ST3GAL4: variants seen among roughly 807,000 people sequenced by gnomAD.
ST3GAL4 encodes the protein CMP-N-acetylneuraminate-beta-galactosamide-alpha-2,3-sialyltransferase 4.
Under a neutral mutation model 42.6 loss-of-function variants are expected in ST3GAL4, and 24 were observed. That is an observed-to-expected ratio of 0.56 (90% CI 0.41 to 0.79). ST3GAL4 has a LOEUF of 0.79. Among genes scored for constraint, ST3GAL4 ranks in the 30% least tolerant of loss-of-function variants. ST3GAL4 has a pLI of 0.00. For missense variants in ST3GAL4, 311 were observed against 430.8 expected, an observed-to-expected ratio of 0.72 and a Z score of 2.46; for synonymous variants, 135 against 163.2, an observed-to-expected ratio of 0.83 and a Z score of 1.32.
At chr11:126,369,869 G>A (rs1172753325) in intron 1 of ST3GAL4, among the ~76,000 whole-genome samples, 5 of 152,192 alleles carry the variant, frequency 3.3e-5, no homozygotes, top group African/African-American at 9.6e-5. Context: ...AGATGTATCT[G>A]AATATGCATG....
At chr11:126,399,150 C>A (rs949255365) in intron 1 of ST3GAL4, among the ~76,000 whole-genome samples, 1 of 152,108 alleles carries the variant, frequency 6.6e-6, no homozygotes, top group African/African-American at 2.4e-5. Flanking sequence ...TACTAATATT[C>A]TTATTAAACT....
At chr11:126,377,425 C>G (rs541919883) in intron 1 of ST3GAL4, among the ~76,000 whole-genome samples, 3 of 151,746 alleles carry the variant, frequency 2.0e-5, no homozygotes, top group Admixed American at 6.6e-5. Flanking sequence ...CCTGCCTCAG[C>G]CTCCCAAAGT....
chr11:126,390,322 A>T (rs1565410945), intron 1 of ST3GAL4, among the ~76,000 whole-genome samples: 3 of 140,132 alleles, frequency 2.1e-5, no homozygotes, highest in Non-Finnish European at 1.6e-5. Context: ...TAGTGTTTCC[A>T]GTTTGTTTGT....
Position 126,392,459 on chromosome 11 carries a change from T to A in ST3GAL4, c.-60-13637T>A. On this transcript the variant is annotated intron_variant, in intron 1 of 10. Transcript: ENST00000444328. This position sits in a 1 kb window ranked among gnomAD's most constrained non-coding sequence, Gnocchi z 5.8. ...CCTTGTGAGCTCATCGACATGCATTTGGCAGAAAGTGCGCTGGCTCTGCCA... is the reference window on the plus strand; with the variant it reads ...CCTTGTGAGCTCATCGACATGCATTAGGCAGAAAGTGCGCTGGCTCTGCCA... The A allele has an allele frequency of 1.2e-6, 1 of 803,466 alleles. No individual in the cohort carries two copies. The highest frequency in any genetic ancestry group is 1.5e-6 in the Non-Finnish European group (1 of 663,574). 49.8% of individuals were successfully genotyped at this position (803,466 alleles called of 1,614,324 possible). A position where few individuals can be genotyped will look rare whatever the true frequency, so the allele number is the denominator to read the frequency against.
chr11:126,385,154 GTTTC>G (rs1265150774), intron 1 of ST3GAL4, among the ~76,000 whole-genome samples: 1 of 150,968 alleles, frequency 6.6e-6, no homozygotes, highest in African/African-American at 2.4e-5. Context: ...CACCTGGTCA[GTTTC>G]TTTCTTTTTT....
Position 126,409,184 on chromosome 11 carries a change from C to A in ST3GAL4, c.628-84C>A. ...GCCTCTGCCATCGCTTGGACCCCCT[C>A]GCCTCGCTGAGGACCACTGGGTTGG... On this transcript the variant is annotated intron_variant, in intron 8 of 10. Coordinates refer to ENST00000444328, the MANE Select transcript of ST3GAL4 (RefSeq NM_001254757.2). The surrounding 1 kb of genome is among the most constrained non-coding windows in gnomAD (Gnocchi z 4.9). 1 of 1,556,968 alleles carries A rather than the reference C, an allele frequency of 6.4e-7. No individual in the cohort carries two copies. The highest frequency in any genetic ancestry group is 8.8e-7 in the Non-Finnish European group (1 of 1,141,334).
In ST3GAL4 at chr11:126,384,404, C is replaced by T. The variant is rs745912442; in HGVS notation, c.-60-21692C>T. ...CCTGTGTAGGGACTCCAGGGCTGAA[C>T]GTTGCCTTTGCTGTCCCTGCTTGGG... is the stretch of plus-strand genomic sequence containing the variant. On this transcript the variant is annotated intron_variant, in intron 1 of 10. Coordinates refer to ENST00000444328, the MANE Select transcript of ST3GAL4 (RefSeq NM_001254757.2). The surrounding 1 kb of genome is among the most constrained non-coding windows in gnomAD (Gnocchi z 5.5). Among the ~76,000 whole-genome samples the T allele has an allele frequency of 2.6e-5, 4 of 152,164 alleles. No homozygotes were observed. The highest frequency in any genetic ancestry group is 3.9e-4 in the East Asian group (2 of 5,162).
intron 1 of ST3GAL4, among the ~76,000 whole-genome samples, chr11:126,377,834 A>G (rs1050333249): frequency 1.3e-5 from 2 of 152,222 alleles, no homozygotes; most frequent in African/African-American, 4.8e-5. Flanking sequence ...TTAAAGTAGC[A>G]AGAAGTCTTC....
Position 126,406,187 on chromosome 11 carries a change from G to A in ST3GAL4, c.16+16G>A, listed in dbSNP as rs747379391. 5.1e-6 allele frequency: 8 copies of A among 1,557,338 alleles called. No homozygotes were observed. Among genetic ancestry groups the A allele is most frequent in the South Asian group, 3.6e-5 (3 of 84,418 alleles). The stretch of plus-strand genomic sequence containing the variant: ...AGCAAGTCCCGTGAGTGTCATCCGA[G>A]GGCTCCCCCACCCTGGAGGACAGGC... On this transcript the variant is annotated intron_variant, in intron 2 of 10. Coordinates refer to ENST00000444328, the MANE Select transcript of ST3GAL4 (RefSeq NM_001254757.2). The surrounding 1 kb of genome is among the most constrained non-coding windows in gnomAD (Gnocchi z 5.4).
intron 4 of ST3GAL4, 96 bp from the exon 5 acceptor site, chr11:126,407,156 G>T: frequency 6.7e-7 from 1 of 1,493,954 alleles, no homozygotes; most frequent in Non-Finnish European, 9.3e-7. Flanking sequence ...AGGGAGGGAA[G>T]AGAAGGCCTT....
chr11:126,412,657 C>A (rs1037263679), intron 9 of ST3GAL4, among the ~76,000 whole-genome samples: 1 of 152,262 alleles, frequency 6.6e-6, no homozygotes, highest in Non-Finnish European at 1.5e-5. Context: ...GCCTGGGCAA[C>A]GTGGTGAAAC....
At position 126,409,700 on chromosome 11, in the gene ST3GAL4, G is replaced by T. The variant is rs1390213961; in HGVS notation, c.771+289G>T. 6.6e-6 allele frequency among the ~76,000 whole-genome samples: 1 copy of T among 152,166 alleles called. No individual in the cohort carries two copies. The highest frequency in any genetic ancestry group is 2.4e-5 in the African/African-American group (1 of 41,440). ...GGCGCTGGTCAGAATTTGTCAACTGGGGAGCTGCTGGAACAGTCAGTGGTC... is the reference window on the plus strand; with the variant it reads ...GGCGCTGGTCAGAATTTGTCAACTGTGGAGCTGCTGGAACAGTCAGTGGTC... On this transcript the variant is annotated intron_variant, in intron 9 of 10. Coordinates refer to ENST00000444328, the MANE Select transcript of ST3GAL4 (RefSeq NM_001254757.2). This position sits in a 1 kb window ranked among gnomAD's most constrained non-coding sequence, Gnocchi z 4.9.
chr11:126,390,464 T>C (rs1953453698), intron 1 of ST3GAL4, among the ~76,000 whole-genome samples: 1 of 152,186 alleles, frequency 6.6e-6, no homozygotes, highest in Non-Finnish European at 1.5e-5. Context: ...AGTGCTCTTC[T>C]AAGCCTTTGT....
intron 1 of ST3GAL4, among the ~76,000 whole-genome samples, chr11:126,368,156 A>G (rs1318724950): frequency 2.0e-5 from 3 of 151,578 alleles, no homozygotes; most frequent in Non-Finnish European, 4.4e-5. Flanking sequence ...CAAAAAAAAA[A>G]AAAAAGATTA....
chr11:126,380,501 G>C (rs920064323), intron 1 of ST3GAL4, among the ~76,000 whole-genome samples: 1 of 152,188 alleles, frequency 6.6e-6, no homozygotes, highest in Non-Finnish European at 1.5e-5. Context: ...GTTCCCCTAG[G>C]GGCTGATGTT....
chr11:126,384,524 T>TG lies in ST3GAL4; in HGVS notation c.-60-21568dup, dbSNP rs1338886502. ...TGCTCAGGTGTGGCGGGCCTGCCTG[T>TG]GGGGTCACCATGGACAGGAGGCTGG... On this transcript the variant is annotated intron_variant, in intron 1 of 10. Coordinates refer to ENST00000444328, the MANE Select transcript of ST3GAL4 (RefSeq NM_001254757.2). This position sits in a 1 kb window ranked among gnomAD's most constrained non-coding sequence, Gnocchi z 5.5. Among the ~76,000 whole-genome samples the TG allele has an allele frequency of 6.6e-6, 1 of 151,980 alleles. No homozygotes were observed. Among genetic ancestry groups the TG allele is most frequent in the African/African-American group, 2.4e-5 (1 of 41,382 alleles).
intron 1 of ST3GAL4, among the ~76,000 whole-genome samples, chr11:126,374,620 G>A (rs928788791): frequency 2.0e-5 from 3 of 152,162 alleles, no homozygotes; most frequent in Non-Finnish European, 2.9e-5. Context: ...AGGCTGGTGC[G>A]TGGGGCAGCC....
At position 126,392,259 on chromosome 11, in the gene ST3GAL4, G is replaced by T. The variant is rs933382647; in HGVS notation, c.-60-13837G>T. ...AAGTAGGAAGGAAGGAGATTTCCTG[G>T]GTATTAGGGTGTCCTCAAGCCTGCA... On this transcript the variant is annotated intron_variant, in intron 1 of 10. Coordinates refer to ENST00000444328, the MANE Select transcript of ST3GAL4 (RefSeq NM_001254757.2). The surrounding 1 kb of genome is among the most constrained non-coding windows in gnomAD (Gnocchi z 5.8). 2 of 935,650 alleles carry T rather than the reference G, an allele frequency of 2.1e-6. No homozygotes were observed. The highest frequency in any genetic ancestry group is 3.6e-5 in the African/African-American group (2 of 56,132). 58.0% of individuals were successfully genotyped at this position (935,650 alleles called of 1,614,324 possible).
rs1952422604 is a variant in ST3GAL4, at chr11:126,366,294, A to G, written c.-61+10452A>G. Among the ~76,000 whole-genome samples the G allele has an allele frequency of 6.6e-6, 1 of 152,116 alleles. No individual in the cohort carries two copies. The highest frequency in any genetic ancestry group is 2.4e-5 in the African/African-American group (1 of 41,424). On this transcript the variant is annotated intron_variant, in intron 1 of 10. Coordinates refer to ENST00000444328, the MANE Select transcript of ST3GAL4 (RefSeq NM_001254757.2). The surrounding 1 kb of genome is among the most constrained non-coding windows in gnomAD (Gnocchi z 4.2). ...GGCCAGCCCTGAGGAATGGAGGAAG[A>G]GAGTGCCCTGGCTGGGGGAGCCCCT...
Sources: gnomAD v4.1 joint callset for allele counts (sites outside exome capture counted in the v4.1 genomes callset) on GRCh38, gnomAD v4.1.1 for gene constraint, Gnocchi (gnomAD v3.1) non-coding constraint, MANE v1.5 for transcripts, NCBI Gene and HGNC (gene_info 2026-07-23, HGNC 2026-07-21) for gene names.